BLM: variants seen among roughly 807,000 people sequenced by gnomAD.
BLM encodes recQ-like DNA helicase BLM.
BLM carries 95 observed loss-of-function variants against 135.3 expected under a neutral mutation model. The ratio of observed to expected loss-of-function variants is 0.70; its 90% CI spans 0.59 to 0.83. The LOEUF (loss-of-function observed/expected upper bound fraction) is 0.83, where lower values mean the gene tolerates loss of function less well. Ranked by LOEUF, BLM falls within the 40% of genes least tolerant of loss-of-function variation. BLM has a pLI of 0.00. For synonymous variants in BLM, 520 were observed against 589.2 expected, an observed-to-expected ratio of 0.88 and a Z score of 1.70; for missense variants, 1,518 against 1,663.9, an observed-to-expected ratio of 0.91 and a Z score of 1.53.
At chr15:90,784,892 G>T in intron 13 of BLM, 29 bp from the exon 14 acceptor site, 1 of 1,603,708 alleles carries the variant, frequency 6.2e-7, no homozygotes, top group Non-Finnish European at 8.5e-7. Context: ...AAAAATTCTT[G>T]TTTCTCAGTA....
At chr15:90,753,207 T>C (rs1449421244) in intron 4 of BLM, among the ~76,000 whole-genome samples, 1 of 151,908 alleles carries the variant, frequency 6.6e-6, no homozygotes, top group African/African-American at 2.4e-5. Flanking sequence ...TGAGTAACCA[T>C]TGCACTCCAG....
chr15:90,738,386 C>T (rs1895274418), intron 1 of BLM, among the ~76,000 whole-genome samples: 1 of 152,110 alleles, frequency 6.6e-6, no homozygotes, highest in Admixed American at 6.6e-5. Context: ...CCAGCCTAGG[C>T]AACATGGTGA....
chr15:90,754,848 G>T lies in BLM; in HGVS notation c.997G>T (p.Asp333Tyr), dbSNP rs1567037944. ...KDLDTSDRKE[D>Y]VLSTSKDLLS... is the part of the protein sequence containing the mutation. ...CCTTGACACCTCTGACAGAAAAGAG[G>T]ATGTTCTTAGCACATCAAAAGATCT... The change falls in exon 5 of 22, where the codon GAT (aspartate) becomes TAT (tyrosine). Residue 333 changes from aspartate to tyrosine, a missense_variant. Asp to Tyr is a radical substitution (Grantham distance 160). This residue lies in a region of BLM where 724 missense variants were observed against 756.9 expected (regional missense o/e 0.96). Transcript: ENST00000355112. 1.9e-6 allele frequency: 3 copies of T among 1,613,860 alleles called. No homozygotes were observed. The highest frequency in any genetic ancestry group is 1.7e-6 in the Non-Finnish European group (2 of 1,179,910).
At position 90,767,998 on chromosome 15, in the gene BLM, A is replaced by G. The variant is rs115649115; in HGVS notation, c.2307+975A>G. Among the ~76,000 whole-genome samples the G allele has an allele frequency of 6.9e-3, 987 of 143,886 alleles. 12 individuals are homozygous for G. Among genetic ancestry groups the G allele is most frequent in the African/African-American group, 0.023 (882 of 38,286 alleles). The allele number at this position is 143,886 out of a possible 152,430, so 94.4% of individuals were successfully genotyped here. ...AGTCTCACTCTGTCACCCAGGTGGG[A>G]GTGCTCGGCTCACTGCAATCTCGGC... On this transcript the variant is annotated intron_variant, in intron 10 of 21. Coordinates refer to ENST00000355112, the MANE Select transcript of BLM (RefSeq NM_000057.4).
rs74251774 is a variant in BLM at position 90,738,054 on chromosome 15, T to C, written c.-4-9335T>C. On this transcript the variant is annotated intron_variant, in intron 1 of 21. Coordinates refer to ENST00000355112, the MANE Select transcript of BLM (RefSeq NM_000057.4). ...ATGTATGCCAACAAATTTGATAACA[T>C]AAATGAAATGGATAAATTCCTCAAA... Among the ~76,000 whole-genome samples the C allele has an allele frequency of 5.5e-3, 840 of 152,174 alleles. 8 individuals are homozygous for C. The highest frequency in any genetic ancestry group is 0.041 in the East Asian group (210 of 5,176).
rs200051680 is a variant in BLM, at chr15:90,760,792, C to G, written c.1419C>G (p.Thr473=). ...VSPGDCLLTT[T]LGKTGFSATR... is the part of the protein sequence containing the mutation. Reference sequence around the variant, plus strand: ...CTGGGGACTGTTTACTGACTACCACCCTAGGAAAGACAGGATTCTCTGCCA... The same window carrying G: ...CTGGGGACTGTTTACTGACTACCACGCTAGGAAAGACAGGATTCTCTGCCA... The change falls in exon 7 of 22, where the codon ACC becomes ACG. Residue 473 remains threonine, a synonymous_variant. Coordinates refer to ENST00000355112, the MANE Select transcript of BLM (RefSeq NM_000057.4). 1.2e-6 allele frequency: 2 copies of G among 1,613,938 alleles called. No homozygotes were observed. Among genetic ancestry groups the G allele is most frequent in the Admixed American group, 3.3e-5 (2 of 59,998 alleles).
At chr15:90,785,958 C>A (rs1896736726) in intron 14 of BLM, among the ~76,000 whole-genome samples, 1 of 149,160 alleles carries the variant, frequency 6.7e-6, no homozygotes. Flanking sequence ...TGTTTATCTA[C>A]TCATCAGCTG....
intron 1 of BLM, among the ~76,000 whole-genome samples, chr15:90,744,686 A>C (rs1268664799): frequency 6.6e-6 from 1 of 151,798 alleles, no homozygotes; most frequent in Non-Finnish European, 1.5e-5. Flanking sequence ...AATACTTTTA[A>C]ACTGGATTCC....
intron 13 of BLM, 104 bp downstream of exon 13, chr15:90,783,032 G>A: frequency 1.1e-6 from 1 of 898,764 alleles, no homozygotes; most frequent in Non-Finnish European, 1.8e-6. Flanking sequence ...TTTGCATTAT[G>A]ACAGCACTAA....
At chr15:90,730,951 T>A (rs1020792834) in intron 1 of BLM, among the ~76,000 whole-genome samples, 6 of 151,720 alleles carry the variant, frequency 4.0e-5, no homozygotes, top group Admixed American at 1.3e-4. Context: ...TTTTATTTAT[T>A]TATTTATCCT....
At chr15:90,802,812 G>C (rs1250699543) in intron 17 of BLM, among the ~76,000 whole-genome samples, 2 of 152,046 alleles carry the variant, frequency 1.3e-5, no homozygotes. Flanking sequence ...ATAATGTAAA[G>C]AGTGTCATTG....
At chr15:90,807,820 C>A (rs1423467692) in intron 19 of BLM, among the ~76,000 whole-genome samples, 1 of 152,194 alleles carries the variant, frequency 6.6e-6, no homozygotes, top group African/African-American at 2.4e-5. Flanking sequence ...CATGTCATGG[C>A]AGTTAGACTC....
Position 90,809,276 on chromosome 15 carries a change from G to A in BLM, c.3874+17G>A, listed in dbSNP as rs773040544. The stretch of plus-strand genomic sequence containing the variant: ...CATCGCCAGGTTAGTACACAGCCAT[G>A]TGTGTTCTCTAAAAGCCTGTTTAAT... On this transcript the variant is annotated intron_variant, in intron 20 of 21. Transcript: ENST00000355112. The A allele has an allele frequency of 2.5e-6, 4 of 1,614,026 alleles. No homozygotes were observed. The highest frequency in any genetic ancestry group is 3.4e-6 in the Non-Finnish European group (4 of 1,180,022).
chr15:90,756,553 A>G (rs1428800646), intron 5 of BLM, among the ~76,000 whole-genome samples: 4 of 152,230 alleles, frequency 2.6e-5, no homozygotes, highest in African/African-American at 7.2e-5. Flanking sequence ...ATTGATAACA[A>G]CTGCATTATA....
intron 8 of BLM, among the ~76,000 whole-genome samples, chr15:90,764,460 C>G (rs957351670): frequency 6.6e-6 from 1 of 151,834 alleles, no homozygotes; most frequent in East Asian, 1.9e-4. Context: ...CAATCCCCCC[C>G]ACCTTAGCCT....
intron 6 of BLM, 90 bp downstream of exon 6, chr15:90,760,369 C>G: frequency 2.6e-6 from 4 of 1,546,588 alleles, no homozygotes; most frequent in South Asian, 2.2e-5. Flanking sequence ...TTCAGGCTTT[C>G]TGGCCTGGAA....
At chr15:90,793,035 C>G (rs72751858) in intron 15 of BLM, among the ~76,000 whole-genome samples, 25,921 of 150,778 alleles carry the variant, frequency 0.17, 2,337 homozygotes, top group Non-Finnish European at 0.19. Context: ...AAATTTAGGC[C>G]CAAACAATTT....
chr15:90,745,519 C>T (rs1208979178), intron 1 of BLM, among the ~76,000 whole-genome samples: 1 of 152,136 alleles, frequency 6.6e-6, no homozygotes, highest in Non-Finnish European at 1.5e-5. Flanking sequence ...AAGCAGTCCT[C>T]CCACCTCAGC....
intron 19 of BLM, among the ~76,000 whole-genome samples, chr15:90,807,131 G>T (rs770515060): frequency 6.6e-6 from 1 of 152,168 alleles, no homozygotes; most frequent in Non-Finnish European, 1.5e-5. Flanking sequence ...TAGCCATAAG[G>T]CATTTCCAGA....
Sources: allele counts gnomAD v4.1 joint callset (sites outside exome capture counted in the v4.1 genomes callset), GRCh38; gene constraint gnomAD v4.1.1; regional missense constraint gnomAD v4.1.1; transcripts MANE v1.5; gene names NCBI Gene and HGNC (gene_info 2026-07-23, HGNC 2026-07-21).